The following EVA1C variants were observed in gnomAD, a reference collection of about 807,000 sequenced individuals.
EVA1C encodes the protein eva-1 homolog C, also known as protein eva-1 homolog C.
A neutral mutation model predicts 45.4 loss-of-function variants in EVA1C; 25 were observed. The observed-to-expected ratio is 0.55, with a 90% confidence interval of 0.40 to 0.77. The LOEUF (loss-of-function observed/expected upper bound fraction) is 0.77, where lower values mean the gene tolerates loss of function less well. Ranked by LOEUF, EVA1C falls within the 30% of genes least tolerant of loss-of-function variation. The pLI is 0.00. For synonymous variants in EVA1C, 190 were observed against 221.2 expected, an observed-to-expected ratio of 0.86 and a Z score of 1.25; for missense variants, 479 against 554.8, an observed-to-expected ratio of 0.86 and a Z score of 1.37.
At chr21:32,435,465 G>A (rs7276272) in intron 1 of EVA1C, among the ~76,000 whole-genome samples, 45,149 of 147,924 alleles carry the variant, frequency 0.31, 4,605 homozygotes, top group African/African-American at 0.5. Context: ...ATTGCTGCTC[G>A]CCCTCCTCCC....
chr21:32,444,091 C>CACA (rs1555855221), intron 1 of EVA1C, among the ~76,000 whole-genome samples: 1 of 146,282 alleles, frequency 6.8e-6, no homozygotes, highest in Non-Finnish European at 1.5e-5. Context: ...CACACACACA[C>CACA]AAACTCAAAG....
At chr21:32,443,438 G>A (rs1235687600) in intron 1 of EVA1C, among the ~76,000 whole-genome samples, 1 of 152,162 alleles carries the variant, frequency 6.6e-6, no homozygotes, top group East Asian at 1.9e-4. Flanking sequence ...TTGTGAGGCT[G>A]AGGCAGAAGA....
At chr21:32,443,170 C>G (rs894842357) in intron 1 of EVA1C, among the ~76,000 whole-genome samples, 5 of 152,028 alleles carry the variant, frequency 3.3e-5, no homozygotes, top group Non-Finnish European at 7.4e-5. Flanking sequence ...GAGGGCTGGC[C>G]GCGAGTGTAA....
intron 4 of EVA1C, among the ~76,000 whole-genome samples, chr21:32,470,764 CT>C (rs142166965): frequency 0.012 from 1,754 of 146,214 alleles, 33 homozygotes; most frequent in African/African-American, 0.038. Flanking sequence ...CTTTTTCTTT[CT>C]TTTTTTTTTT....
chr21:32,470,011 G>T (rs2036311590), intron 4 of EVA1C, among the ~76,000 whole-genome samples: 1 of 152,196 alleles, frequency 6.6e-6, no homozygotes, highest in African/African-American at 2.4e-5. Flanking sequence ...TGGTGAAAAA[G>T]CTTGATCTCT....
At chr21:32,492,908 T>C (rs1568940674) in intron 4 of EVA1C, among the ~76,000 whole-genome samples, 1 of 151,970 alleles carries the variant, frequency 6.6e-6, no homozygotes, top group Non-Finnish European at 1.5e-5. Context: ...CCCGCTCTTC[T>C]CTAGCTGTGT....
At chr21:32,436,218 C>T (rs2034945377) in intron 1 of EVA1C, among the ~76,000 whole-genome samples, 2 of 152,144 alleles carry the variant, frequency 1.3e-5, no homozygotes, top group Admixed American at 6.5e-5. Flanking sequence ...AGCCCGTCAC[C>T]ACACCCGCCT....
chr21:32,439,766 G>A (rs1045300880), intron 1 of EVA1C, among the ~76,000 whole-genome samples: 2 of 151,944 alleles, frequency 1.3e-5, no homozygotes, highest in South Asian at 2.1e-4. Context: ...CAGTAAACCT[G>A]TCCTGCTCCT....
At chr21:32,501,915 T>TTTCCTTCCTCCCTTCC (rs1332156823) in intron 6 of EVA1C, among the ~76,000 whole-genome samples, 1 of 151,896 alleles carries the variant, frequency 6.6e-6, no homozygotes, top group African/African-American at 2.4e-5. Context: ...TCCTCTTTAG[T>TTTCCTTCCTCCCTTCC]TTCCTTCCTC....
intron 3 of EVA1C, among the ~76,000 whole-genome samples, chr21:32,467,388 C>G (rs555083981): frequency 6.6e-6 from 1 of 152,300 alleles, no homozygotes; most frequent in South Asian, 2.1e-4. Flanking sequence ...GAGAAACTTC[C>G]TTTCTAGCCA....
At chr21:32,494,897 A>T in intron 4 of EVA1C, 130 bp from the exon 5 acceptor site, 1 of 1,011,818 alleles carries the variant, frequency 9.9e-7, no homozygotes, top group Non-Finnish European at 1.5e-6. Flanking sequence ...ATGAGACAGA[A>T]AATAAGCAGA....
chr21:32,475,017 C>G (rs1233013963), intron 4 of EVA1C, among the ~76,000 whole-genome samples: 2 of 152,124 alleles, frequency 1.3e-5, no homozygotes, highest in East Asian at 3.9e-4. Context: ...TATCCTTAAC[C>G]CTAGAAGCTG....
intron 1 of EVA1C, among the ~76,000 whole-genome samples, chr21:32,420,850 G>A (rs1427532784): frequency 6.6e-6 from 1 of 152,186 alleles, no homozygotes; most frequent in Non-Finnish European, 1.5e-5. Context: ...AGTAACTTTT[G>A]GGGATTTGAA....
chr21:32,497,078 G>T, intron 5 of EVA1C: 1 of 1,035,624 alleles, frequency 9.7e-7, no homozygotes, highest in Non-Finnish European at 1.5e-6. Flanking sequence ...GGACAGGATG[G>T]TCTGCTTTTT....
intron 4 of EVA1C, among the ~76,000 whole-genome samples, chr21:32,469,810 C>T (rs73353055): frequency 0.012 from 1,880 of 152,290 alleles, 30 homozygotes; most frequent in Admixed American, 0.038. Flanking sequence ...CTTCTAAGGC[C>T]TTCATCTGAT....
chr21:32,452,950 C>A lies in EVA1C; in HGVS notation c.161-362C>A, dbSNP rs555309309. The A allele has an allele frequency of 4.4e-4, 81 of 182,604 alleles. 1 individual carries two copies. The highest frequency in any genetic ancestry group is 3.1e-3 in the Admixed American group (53 of 17,216). The allele number at this position is 182,604 out of a possible 1,614,324, so 11.3% of individuals were successfully genotyped here. A position where few individuals can be genotyped will look rare whatever the true frequency, so the allele number is the denominator to read the frequency against. ...TTTTTTATGGGCACAGGATGGGGGT[C>A]ATGGCAGGCCAGAGTAGTCTTGGAA... On this transcript the variant is annotated intron_variant, in intron 1 of 7. Transcript: ENST00000300255. This position sits in a 1 kb window ranked among gnomAD's most constrained non-coding sequence, Gnocchi z 4.0.
chr21:32,476,349 A>G (rs975196892), intron 4 of EVA1C, among the ~76,000 whole-genome samples: 10 of 152,024 alleles, frequency 6.6e-5, no homozygotes, highest in African/African-American at 2.4e-4. Context: ...TATATAGGGA[A>G]GTTCAAGAGG....
intron 4 of EVA1C, among the ~76,000 whole-genome samples, chr21:32,480,643 G>A (rs11088222): frequency 0.19 from 29,090 of 152,178 alleles, 2,870 homozygotes; most frequent in Admixed American, 0.24. Context: ...ACTCTAGCCT[G>A]GGCAATAGAG....
chr21:32,442,060 A>G (rs567131264), intron 1 of EVA1C, among the ~76,000 whole-genome samples: 12 of 152,294 alleles, frequency 7.9e-5, no homozygotes, highest in African/African-American at 2.9e-4. Flanking sequence ...CCACTGGCCC[A>G]CTGTACTACC....
Sources: allele counts gnomAD v4.1 joint callset (sites outside exome capture counted in the v4.1 genomes callset), GRCh38; gene constraint gnomAD v4.1.1; non-coding constraint Gnocchi (gnomAD v3.1); transcripts MANE v1.5; gene names NCBI Gene and HGNC (gene_info 2026-07-23, HGNC 2026-07-21).